Variants in FBXL7 observed in about 807,000 individuals in gnomAD.
The protein encoded by FBXL7 is F-box and leucine rich repeat protein 7, also known as F-box/LRR-repeat protein 7.
In FBXL7, 12 loss-of-function variants were observed where a neutral mutation model predicts 38.3. The observed-to-expected ratio is 0.31, with a 90% CI of 0.20 to 0.51. The LOEUF (loss-of-function observed/expected upper bound fraction) is 0.51, where lower values mean the gene tolerates loss of function less well. FBXL7 is among the 20% of genes least tolerant of loss of function. The probability of loss-of-function intolerance (pLI) is 0.98; values close to 1 mark genes in which losing one functional copy is unlikely to be tolerated. For synonymous variants in FBXL7, 297 were observed against 300.9 expected, an observed-to-expected ratio of 0.99 and a Z score of 0.13; for missense variants, 567 against 676.4, an observed-to-expected ratio of 0.84 and a Z score of 1.79.
intron 2 of FBXL7, among the ~76,000 whole-genome samples, chr5:15,750,248 A>C (rs1255918395): frequency 6.6e-6 from 1 of 152,236 alleles, no homozygotes; most frequent in Non-Finnish European, 1.5e-5. Flanking sequence ...AATAATAACT[A>C]TACACTGTAA....
At chr5:15,517,932 C>G (rs983088668) in intron 1 of FBXL7, among the ~76,000 whole-genome samples, 1 of 152,180 alleles carries the variant, frequency 6.6e-6, no homozygotes, top group East Asian at 1.9e-4. Flanking sequence ...GGTAGACTAG[C>G]ATTGGCGTCT....
intron 2 of FBXL7, among the ~76,000 whole-genome samples, chr5:15,699,183 G>T (rs953422733): frequency 2.0e-5 from 3 of 152,050 alleles, no homozygotes; most frequent in Non-Finnish European, 4.4e-5. Context: ...GTTATAATTG[G>T]GGGGTATGTT....
At chr5:15,840,939 TATC>T (rs1738731157) in intron 2 of FBXL7, among the ~76,000 whole-genome samples, 1 of 152,132 alleles carries the variant, frequency 6.6e-6, no homozygotes, top group Non-Finnish European at 1.5e-5. Flanking sequence ...TAAATTTTAT[TATC>T]ATGTGTTTAT....
In FBXL7 at chr5:15,936,312, T is replaced by C. The variant is rs1226820478; in HGVS notation, c.740-138T>C. On this transcript the variant is annotated intron_variant, in intron 3 of 3. Transcript: ENST00000504595. The surrounding 1 kb of genome is among the most constrained non-coding windows in gnomAD (Gnocchi z 6.0). ...AACCCATTCTTGCATTTCCTCTCTATAGAGACCAAGACAGGAAAGGGTAAC... is the reference window on the plus strand; with the variant it reads ...AACCCATTCTTGCATTTCCTCTCTACAGAGACCAAGACAGGAAAGGGTAAC... 2 of 981,206 alleles carry C rather than the reference T, an allele frequency of 2.0e-6. No individual in the cohort carries two copies. Among genetic ancestry groups the C allele is most frequent in the Non-Finnish European group, 2.9e-6 (2 of 682,258 alleles). 60.8% of individuals were successfully genotyped at this position (981,206 alleles called of 1,614,324 possible). A position where few individuals can be genotyped will look rare whatever the true frequency, so the allele number is the denominator to read the frequency against.
intron 2 of FBXL7, among the ~76,000 whole-genome samples, chr5:15,712,959 C>CA (rs1368373303): frequency 6.6e-6 from 1 of 152,174 alleles, no homozygotes; most frequent in African/African-American, 2.4e-5. Context: ...TCAGGTCTCC[C>CA]ACATCTGTCA....
At chr5:15,597,848 A>G (rs1050759366) in intron 1 of FBXL7, among the ~76,000 whole-genome samples, 8 of 152,224 alleles carry the variant, frequency 5.3e-5, no homozygotes, top group African/African-American at 1.9e-4. Flanking sequence ...TCCCTGGACT[A>G]TTTGATCTAT....
chr5:15,907,709 G>T (rs1271641426), intron 2 of FBXL7, among the ~76,000 whole-genome samples: 1 of 82,762 alleles, frequency 1.2e-5, no homozygotes, highest in Non-Finnish European at 2.2e-5. Context: ...GTGTAAGGAA[G>T]GGATCCAGTT....
intron 2 of FBXL7, among the ~76,000 whole-genome samples, chr5:15,837,379 C>G (rs1370031123): frequency 6.6e-6 from 1 of 152,156 alleles, no homozygotes; most frequent in Non-Finnish European, 1.5e-5. Context: ...TTTAAGGGAT[C>G]TGAGCCATAC....
intron 2 of FBXL7, among the ~76,000 whole-genome samples, chr5:15,659,309 A>G (rs192772539): frequency 1.3e-5 from 2 of 152,260 alleles, no homozygotes; most frequent in East Asian, 3.9e-4. Context: ...AGAAAGCTAC[A>G]TAACCTCCCA....
chr5:15,794,856 A>G (rs1024711125), intron 2 of FBXL7, among the ~76,000 whole-genome samples: 1 of 152,176 alleles, frequency 6.6e-6, no homozygotes, highest in Non-Finnish European at 1.5e-5. Context: ...AAACAACACA[A>G]AAGGTTTTTC....
chr5:15,622,014 C>T (rs961941263), intron 2 of FBXL7, among the ~76,000 whole-genome samples: 4 of 152,066 alleles, frequency 2.6e-5, no homozygotes, highest in Non-Finnish European at 5.9e-5. Flanking sequence ...TGTCAAGGAA[C>T]AGCAGTAGAA....
chr5:15,648,849 T>C (rs1290838915), intron 2 of FBXL7, among the ~76,000 whole-genome samples: 1 of 151,892 alleles, frequency 6.6e-6, no homozygotes, highest in African/African-American at 2.4e-5. Context: ...AACTGTTTTA[T>C]TGTCTCAGAC....
At chr5:15,545,440 A>G (rs1051024389) in intron 1 of FBXL7, among the ~76,000 whole-genome samples, 4 of 152,212 alleles carry the variant, frequency 2.6e-5, no homozygotes, top group Admixed American at 6.5e-5. Context: ...AAGACAGACA[A>G]TCCCTTCTGG....
intron 2 of FBXL7, among the ~76,000 whole-genome samples, chr5:15,720,485 A>G (rs1486960369): frequency 6.7e-6 from 1 of 148,802 alleles, no homozygotes. Context: ...TCACTTTATT[A>G]TAAGCCCTTG....
intron 2 of FBXL7, among the ~76,000 whole-genome samples, chr5:15,813,365 C>T (rs1579485768): frequency 6.6e-6 from 1 of 152,154 alleles, no homozygotes; most frequent in East Asian, 1.9e-4. Context: ...GGAAAACTGA[C>T]TAGCCATATG....
intron 1 of FBXL7, among the ~76,000 whole-genome samples, chr5:15,614,083 G>A (rs1326314051): frequency 6.6e-6 from 1 of 152,132 alleles, no homozygotes; most frequent in African/African-American, 2.4e-5. Flanking sequence ...ATTTCAACAT[G>A]TGAATTCTGG....
intron 2 of FBXL7, among the ~76,000 whole-genome samples, chr5:15,885,350 C>A (rs1382424509): frequency 6.6e-6 from 1 of 152,184 alleles, no homozygotes; most frequent in Non-Finnish European, 1.5e-5. Flanking sequence ...AAGTAGTCAT[C>A]TTTCATAATC....
intron 2 of FBXL7, among the ~76,000 whole-genome samples, chr5:15,880,908 T>C (rs2126330989): frequency 6.6e-6 from 1 of 151,882 alleles, no homozygotes; most frequent in Admixed American, 6.6e-5. Flanking sequence ...ATTTAAGCTT[T>C]ATTATTCTAT....
chr5:15,594,850 T>C (rs1332835672), intron 1 of FBXL7, among the ~76,000 whole-genome samples: 1 of 152,256 alleles, frequency 6.6e-6, no homozygotes, highest in Non-Finnish European at 1.5e-5. Context: ...CTGTCTTCTC[T>C]CTGATTCTCT....
Sources: gnomAD v4.1 joint callset for allele counts (sites outside exome capture counted in the v4.1 genomes callset) on GRCh38, gnomAD v4.1.1 for gene constraint, Gnocchi (gnomAD v3.1) non-coding constraint, MANE v1.5 for transcripts, NCBI Gene and HGNC (gene_info 2026-07-23, HGNC 2026-07-21) for gene names.